The following SPOCK3 variants were observed in gnomAD, a reference collection of about 807,000 sequenced individuals.
SPOCK3 encodes SPARC (osteonectin), cwcv and kazal like domains proteoglycan 3, also known as testican-3.
A neutral mutation model predicts 56.6 loss-of-function variants in SPOCK3; 30 were observed. The ratio of observed to expected loss-of-function variants is 0.53; its 90% CI spans 0.40 to 0.72. SPOCK3 has a LOEUF of 0.72. SPOCK3 is among the 30% of genes least tolerant of loss of function. The pLI is 0.00. For missense variants in SPOCK3, 527 were observed against 530.0 expected (o/e 0.99, Z 0.06); for synonymous variants, 196 against 183.3 (o/e 1.07, Z -0.56).
At chr4:167,205,194 ATC>A in intron 2 of SPOCK3, among the ~76,000 whole-genome samples, 1 of 102,372 alleles carries the variant, frequency 9.8e-6, no homozygotes, top group African/African-American at 3.9e-5. Context: ...GATATTTTAT[ATC>A]TATAATATAT....
chr4:166,992,825 C>A (rs988074539), intron 4 of SPOCK3, among the ~76,000 whole-genome samples: 14 of 152,070 alleles, frequency 9.2e-5, no homozygotes, highest in African/African-American at 3.4e-4. Context: ...ACTTTTTCCC[C>A]CCAATTCATA....
chr4:166,772,710 G>C (rs1372191154), intron 7 of SPOCK3, among the ~76,000 whole-genome samples: 2 of 152,156 alleles, frequency 1.3e-5, no homozygotes, highest in East Asian at 3.9e-4. Context: ...GTAAACTGCA[G>C]AGCTGTGCAA....
chr4:166,764,983 G>T (rs1249244754), intron 7 of SPOCK3, among the ~76,000 whole-genome samples: 3 of 152,122 alleles, frequency 2.0e-5, no homozygotes, highest in African/African-American at 7.2e-5. Context: ...CTGCATAAAT[G>T]TCTTCTTTTG....
intron 2 of SPOCK3, among the ~76,000 whole-genome samples, chr4:167,069,156 CT>C (rs940694418): frequency 1.3e-5 from 2 of 151,872 alleles, no homozygotes; most frequent in African/African-American, 4.8e-5. Flanking sequence ...ATCCTCCTCC[CT>C]TTGAATAGCA....
At chr4:166,865,020 C>T (rs569210960) in intron 6 of SPOCK3, among the ~76,000 whole-genome samples, 57 of 152,040 alleles carry the variant, frequency 3.7e-4, no homozygotes, top group South Asian at 2.1e-4. Context: ...TGAATATTGA[C>T]GCAAAAATCC....
At chr4:167,192,727 G>T (rs1732579602) in intron 2 of SPOCK3, among the ~76,000 whole-genome samples, 1 of 144,702 alleles carries the variant, frequency 6.9e-6, no homozygotes, top group East Asian at 2.1e-4. Flanking sequence ...TTTCGACGTA[G>T]GTATTTATCA....
rs140163854 is a variant in SPOCK3, at chr4:167,194,538, T to A, written c.189+39447A>T. 9.5e-3 allele frequency among the ~76,000 whole-genome samples: 1,445 copies of A among 152,328 alleles called. 15 individuals carry two copies. The highest frequency in any genetic ancestry group is 0.013 in the Non-Finnish European group (893 of 68,026). ...GTAGCCTTTCACTGGTGTCTGTGCATCTGAAGGAGTTAATGTCTCTCCGAG... is the reference window on the plus strand; with the variant it reads ...GTAGCCTTTCACTGGTGTCTGTGCAACTGAAGGAGTTAATGTCTCTCCGAG... On this transcript the variant is annotated intron_variant, in intron 2 of 10. Coordinates refer to ENST00000357545, the MANE Select transcript of SPOCK3 (RefSeq NM_001040159.2).
At chr4:166,888,528 TA>T (rs1280622687) in intron 6 of SPOCK3, among the ~76,000 whole-genome samples, 2 of 151,982 alleles carry the variant, frequency 1.3e-5, no homozygotes, top group Non-Finnish European at 2.9e-5. Context: ...TAAACTATAA[TA>T]AATAATCTTA....
intron 6 of SPOCK3, among the ~76,000 whole-genome samples, chr4:166,878,432 T>G (rs533401641): frequency 2.0e-5 from 3 of 152,176 alleles, no homozygotes; most frequent in South Asian, 4.1e-4. Flanking sequence ...TTGGCCAAAA[T>G]CATAGGCAAC....
intron 4 of SPOCK3, among the ~76,000 whole-genome samples, chr4:166,930,531 C>G (rs1356820467): frequency 1.4e-4 from 22 of 151,938 alleles, no homozygotes; most frequent in Admixed American, 1.4e-3. Context: ...ATGGACAACT[C>G]TTTAATAATT....
chr4:166,914,122 A>C (rs78923836), intron 4 of SPOCK3, among the ~76,000 whole-genome samples: 3,406 of 152,248 alleles, frequency 0.022, 114 homozygotes, highest in African/African-American at 0.067. Context: ...ATCAAACAAG[A>C]CATGAAATTA....
chr4:167,193,784 T>C (rs1012900113), intron 2 of SPOCK3, among the ~76,000 whole-genome samples: 6 of 145,946 alleles, frequency 4.1e-5, no homozygotes, highest in Admixed American at 1.4e-4. Context: ...ACTTCCCTCA[T>C]GCTGCTTTTA....
chr4:167,187,079 T>A (rs1356592250), intron 2 of SPOCK3, among the ~76,000 whole-genome samples: 2 of 152,124 alleles, frequency 1.3e-5, no homozygotes, highest in African/African-American at 4.8e-5. Context: ...ATTGGTTAAT[T>A]TTAAAAACAT....
intron 2 of SPOCK3, among the ~76,000 whole-genome samples, chr4:167,138,697 TAAGA>T (rs1763303098): frequency 6.6e-6 from 1 of 151,934 alleles, no homozygotes; most frequent in Non-Finnish European, 1.5e-5. Flanking sequence ...GTCCCACTGA[TAAGA>T]AAGAGTTGTC....
At chr4:166,811,022 A>G (rs1743709405) in intron 6 of SPOCK3, among the ~76,000 whole-genome samples, 1 of 151,878 alleles carries the variant, frequency 6.6e-6, no homozygotes, top group African/African-American at 2.4e-5. Flanking sequence ...CTTCATATTC[A>G]AATGTATTGA....
chr4:167,232,151 G>T (rs1488871638), intron 2 of SPOCK3, among the ~76,000 whole-genome samples: 1 of 152,056 alleles, frequency 6.6e-6, no homozygotes, highest in African/African-American at 2.4e-5. Context: ...TGTCTCAATA[G>T]TTTAAGTCAA....
intron 9 of SPOCK3, among the ~76,000 whole-genome samples, chr4:166,740,849 A>T (rs1445345410): frequency 6.6e-6 from 1 of 152,088 alleles, no homozygotes; most frequent in Non-Finnish European, 1.5e-5. Flanking sequence ...TTCATTTGTG[A>T]GCTGTGGTAT....
intron 3 of SPOCK3, among the ~76,000 whole-genome samples, chr4:167,016,619 C>T (rs185649664): frequency 3.3e-5 from 5 of 151,716 alleles, no homozygotes; most frequent in Admixed American, 2.6e-4. Context: ...CAGCTCATTG[C>T]AACATTTGCC....
Position 166,742,003 on chromosome 4 carries a change from G to C in SPOCK3, c.988C>G (p.Leu330Val), listed in dbSNP as rs1471551356. 1.9e-6 allele frequency: 3 copies of C among 1,610,734 alleles called. No homozygotes were observed. The highest frequency in any genetic ancestry group is 2.5e-6 in the Non-Finnish European group (3 of 1,177,420). The change falls in exon 9 of 11, where the codon CTC becomes GTC. Residue 330 changes from leucine to valine, a missense_variant. By Grantham distance (32) the Leu-to-Val change is conservative. Coordinates refer to ENST00000357545, the MANE Select transcript of SPOCK3 (RefSeq NM_001040159.2). ...NIQKRQGVKK[L>V]LGQYIPLCDE... ...AGAATGATCTATTACTCACCTAGGA[G>C]CTTCTTTACCCCTTGCCGCTTCTGA...
Sources: allele counts gnomAD v4.1 joint callset (sites outside exome capture counted in the v4.1 genomes callset), GRCh38; gene constraint gnomAD v4.1.1; transcripts MANE v1.5; gene names NCBI Gene and HGNC (gene_info 2026-07-23, HGNC 2026-07-21).